RBFOX1: variants seen among roughly 807,000 people sequenced by gnomAD.
RBFOX1 encodes the protein RNA binding fox-1 homolog 1.
Under a neutral mutation model 57.7 loss-of-function variants are expected in RBFOX1, and 8 were observed. That is an observed-to-expected ratio of 0.14 (90% confidence interval 0.08 to 0.25). RBFOX1 has a LOEUF of 0.25. RBFOX1 is among the 10% of genes least tolerant of loss of function. The probability of loss-of-function intolerance (pLI) is 1.00; values close to 1 mark genes in which losing one functional copy is unlikely to be tolerated. For synonymous variants in RBFOX1, 326 were observed against 222.4 expected, an observed-to-expected ratio of 1.47 and a Z score of -4.15; for missense variants, 611 against 548.5, an observed-to-expected ratio of 1.11 and a Z score of -1.14.
rs188276718 is a variant in RBFOX1 at position 7,440,189 on chromosome 16, T to A, written c.28-77958T>A. 5.9e-3 allele frequency among the ~76,000 whole-genome samples: 893 copies of A among 152,210 alleles called. 14 individuals carry two copies. Among genetic ancestry groups the A allele is most frequent in the African/African-American group, 0.021 (860 of 41,542 alleles). ...AGGATTACAGATGTGAGACACTGTG[T>A]CTGGCCCCAAATGTTTTATGGTAAC... On this transcript the variant is annotated intron_variant, in intron 4 of 15. Coordinates refer to ENST00000550418, the MANE Select transcript of RBFOX1 (RefSeq NM_018723.4).
chr16:7,439,026 A>G (rs1351266867), intron 4 of RBFOX1, among the ~76,000 whole-genome samples: 2 of 152,198 alleles, frequency 1.3e-5, no homozygotes, highest in African/African-American at 4.8e-5. Flanking sequence ...AGCAGAGTTC[A>G]GCGGAAACCA....
At chr16:6,640,974 C>G (rs921349183) in intron 2 of RBFOX1, among the ~76,000 whole-genome samples, 2 of 152,132 alleles carry the variant, frequency 1.3e-5, no homozygotes, top group African/African-American at 4.8e-5. Flanking sequence ...GGAAGGCCTG[C>G]TTTCTTTTTA....
chr16:7,512,455 C>A (rs1375893863), intron 4 of RBFOX1, among the ~76,000 whole-genome samples: 1 of 152,102 alleles, frequency 6.6e-6, no homozygotes, highest in Admixed American at 6.5e-5. Flanking sequence ...CTGTAATTAG[C>A]CTAAAGTGCA....
At chr16:7,676,984 C>T in intron 14 of RBFOX1, 146 bp downstream of exon 14, 1 of 707,958 alleles carries the variant, frequency 1.4e-6, no homozygotes, top group Non-Finnish European at 2.4e-6. Context: ...TGAACGTGAA[C>T]TCAAGTCCCC....
chr16:6,537,241 G>C (rs2096747915), intron 2 of RBFOX1, among the ~76,000 whole-genome samples: 1 of 152,116 alleles, frequency 6.6e-6, no homozygotes, highest in African/African-American at 2.4e-5. Context: ...TGTTGTTCCT[G>C]ATGCCGGTTC....
rs187621972 is a variant in RBFOX1, at chr16:6,110,746, G to A, written c.-127+90754G>A. 4.6e-5 allele frequency among the ~76,000 whole-genome samples: 7 copies of A among 152,192 alleles called. No homozygotes were observed. The East Asian group carries it at 7.8e-4, about 17-fold the overall frequency. On this transcript the variant is annotated intron_variant, in intron 1 of 15. Transcript: ENST00000550418. ...TCAATGGGGGACAGTTTTGCCCCCC[G>A]CCAGAGGACACTAGGCCATGCCTTG...
chr16:6,493,114 T>G (rs1024482650), intron 2 of RBFOX1, among the ~76,000 whole-genome samples: 1 of 152,216 alleles, frequency 6.6e-6, no homozygotes, highest in East Asian at 1.9e-4. Flanking sequence ...GTGATCACTT[T>G]ACCCCTGAGC....
At chr16:7,081,907 A>G (rs2153798521) in intron 4 of RBFOX1, among the ~76,000 whole-genome samples, 1 of 152,186 alleles carries the variant, frequency 6.6e-6, no homozygotes, top group Middle Eastern at 3.4e-3. Flanking sequence ...GGAGTTTGGG[A>G]TAATGTAGTA....
chr16:7,161,288 G>A (rs1030018556), intron 4 of RBFOX1, among the ~76,000 whole-genome samples: 7 of 151,638 alleles, frequency 4.6e-5, no homozygotes, highest in African/African-American at 1.5e-4. Context: ...ATAGGGGAAT[G>A]CAGTATGTGT....
At chr16:5,669,092 A>T (rs567120016) in intron 3 of RBFOX1, among the ~76,000 whole-genome samples, 1 of 152,314 alleles carries the variant, frequency 6.6e-6, no homozygotes, top group South Asian at 2.1e-4. Flanking sequence ...TCTCAATTCA[A>T]ACCAAGTTGA....
intron 4 of RBFOX1, among the ~76,000 whole-genome samples, chr16:5,906,527 G>A (rs369834208): frequency 1.2e-4 from 17 of 143,296 alleles, no homozygotes; most frequent in East Asian, 7.8e-4. Flanking sequence ...GATGATACAT[G>A]TTTGTTGTTT....
chr16:7,664,781 C>G (rs1465192268), intron 12 of RBFOX1, 148 bp from the exon 13 acceptor site: 3 of 1,450,620 alleles, frequency 2.1e-6, no homozygotes, highest in Non-Finnish European at 2.8e-6. Flanking sequence ...CCGTTGTCTC[C>G]AACCTCCTTA....
chr16:7,337,224 A>G (rs1282551792), intron 4 of RBFOX1, among the ~76,000 whole-genome samples: 5 of 152,144 alleles, frequency 3.3e-5, no homozygotes, highest in South Asian at 2.1e-4. Flanking sequence ...AGGGTCTTTT[A>G]TCCACCAAGC....
chr16:6,753,558 C>G (rs2075306210), intron 3 of RBFOX1, among the ~76,000 whole-genome samples: 1 of 152,160 alleles, frequency 6.6e-6, no homozygotes, highest in Admixed American at 6.5e-5. Context: ...TTTGTTACAT[C>G]TGTCTTAATA....
rs145516129 is a variant in RBFOX1 at position 7,440,157 on chromosome 16, A to T, written c.28-77990A>T. ...GAGACCTGCCTGCCTCAGCCTCCCA[A>T]ACTGCTAGGATTACAGATGTGAGAC... On this transcript the variant is annotated intron_variant, in intron 4 of 15. Transcript: ENST00000550418. Among the ~76,000 whole-genome samples the T allele has an allele frequency of 5.3e-3, 811 of 151,822 alleles. 3 individuals are homozygous for T. Among genetic ancestry groups the T allele is most frequent in the African/African-American group, 0.018 (750 of 41,414 alleles).
At chr16:6,706,908 G>T (rs944557454) in intron 3 of RBFOX1, among the ~76,000 whole-genome samples, 2 of 151,834 alleles carry the variant, frequency 1.3e-5, no homozygotes, top group Admixed American at 1.3e-4. Context: ...TTGCAATATT[G>T]CTAGTTGTTT....
At chr16:5,942,843 A>G (rs1021938744) in intron 4 of RBFOX1, among the ~76,000 whole-genome samples, 2 of 152,178 alleles carry the variant, frequency 1.3e-5, no homozygotes, top group African/African-American at 4.8e-5. Flanking sequence ...GGGCCCAGGA[A>G]ACTAAGATGA....
rs1049094283 is a variant in RBFOX1 at position 6,501,895 on chromosome 16, C to T, written c.-63-152708C>T. Among the ~76,000 whole-genome samples the T allele has an allele frequency of 4.6e-5, 7 of 152,194 alleles. No homozygotes were observed. The East Asian group carries it at 9.6e-4, about 21-fold the overall frequency. On this transcript the variant is annotated intron_variant, in intron 2 of 15. Transcript: ENST00000550418. ...CTCTGGCTTTACTTGTTCATAGATT[C>T]ATGAAATCCTCAACAGAGATCCTTG...
intron 1 of RBFOX1, among the ~76,000 whole-genome samples, chr16:5,251,461 G>A (rs1409623802): frequency 2.0e-5 from 3 of 152,184 alleles, no homozygotes; most frequent in African/African-American, 7.2e-5. Flanking sequence ...CATTGTCTTA[G>A]TGCCGAGCCC....
Sources: allele counts gnomAD v4.1 joint callset (sites outside exome capture counted in the v4.1 genomes callset), GRCh38; gene constraint gnomAD v4.1.1; transcripts MANE v1.5; gene names NCBI Gene and HGNC (gene_info 2026-07-23, HGNC 2026-07-21).